CPB2: variants seen among roughly 807,000 people sequenced by gnomAD.
CPB2 encodes the protein carboxypeptidase B2, also known as carboxypeptidase B-like protein.
Under a neutral mutation model 57.0 loss-of-function variants are expected in CPB2, and 54 were observed. That is an observed-to-expected ratio of 0.95 (90% CI 0.76 to 1.19). The LOEUF (loss-of-function observed/expected upper bound fraction) is 1.19, where lower values mean the gene tolerates loss of function less well. CPB2 is among the 50% of genes most tolerant of loss of function. The pLI, the probability that CPB2 is intolerant of heterozygous loss-of-function variation, is 0.00. For missense variants in CPB2, 426 were observed against 512.0 expected, an observed-to-expected ratio of 0.83 and a Z score of 1.62; for synonymous variants, 189 against 178.1, an observed-to-expected ratio of 1.06 and a Z score of -0.49.
intron 1 of CPB2, chr13:46,101,284 T>A (rs1477153164): frequency 6.6e-6 from 1 of 152,244 alleles, no homozygotes; most frequent in African/African-American, 2.4e-5. Context: ...TCTGAACTTC[T>A]TTCGTTTTTG....
chr13:46,054,809 T>G (rs935814527), intron 10 of CPB2, among the ~76,000 whole-genome samples: 36 of 135,542 alleles, frequency 2.7e-4, no homozygotes, highest in African/African-American at 1.0e-3. Flanking sequence ...AGAGTGCAGT[T>G]GCACAATCTC....
chr13:46,078,990 G>C, intron 4 of CPB2, 89 bp from the exon 5 acceptor site: 1 of 794,636 alleles, frequency 1.3e-6, no homozygotes, highest in East Asian at 2.6e-5. Context: ...TTCAGAGAAA[G>C]GAAAACCTCT....
chr13:46,056,579 T>A (rs950051183), intron 9 of CPB2, among the ~76,000 whole-genome samples: 1 of 152,212 alleles, frequency 6.6e-6, no homozygotes, highest in South Asian at 2.1e-4. Context: ...AAAAATAAGT[T>A]TTAATGTAAC....
At position 46,053,901 on chromosome 13, in the gene CPB2, A is replaced by AT. The variant is rs1227742253; in HGVS notation, c.1088-104dup. The AT allele has an allele frequency of 1.0e-5, 12 of 1,174,264 alleles. No individual in the cohort carries two copies. In the East Asian group the frequency reaches 1.3e-4, roughly 12 times the overall value. 72.7% of individuals were successfully genotyped at this position (1,174,264 alleles called of 1,614,324 possible). The stretch of plus-strand genomic sequence containing the variant: ...TGTTTATTTGTTTGTATACCTTTAG[A>AT]TTTTTTTCAGTTTTTAACTAATATA... On this transcript the variant is annotated intron_variant, in intron 10 of 10. Transcript: ENST00000181383.
chr13:46,085,288 A>G (rs971979242), intron 2 of CPB2, among the ~76,000 whole-genome samples: 1 of 152,222 alleles, frequency 6.6e-6, no homozygotes, highest in African/African-American at 2.4e-5. Context: ...CCTAGAAATG[A>G]CAGAACAAGA....
At chr13:46,065,724 T>C (rs931116149) in intron 7 of CPB2, among the ~76,000 whole-genome samples, 1 of 147,670 alleles carries the variant, frequency 6.8e-6, no homozygotes, top group East Asian at 2.1e-4. Context: ...TCACCAACCC[T>C]CCGCCAAGCC....
In CPB2 at chr13:46,103,754, T is replaced by G. The variant is rs1265333111; in HGVS notation, c.74+1182A>C. The stretch of plus-strand genomic sequence containing the variant: ...GCCAAGTTGGACATGTTGATACCAA[T>G]TTTTCTCTTCTCCCCCTTTCCCTTA... On this transcript the variant is annotated intron_variant, in intron 1 of 10. Coordinates refer to ENST00000181383, the MANE Select transcript of CPB2 (RefSeq NM_001872.5). 2.0e-5 allele frequency among the ~76,000 whole-genome samples: 3 copies of G among 152,244 alleles called. No individual in the cohort carries two copies. In the East Asian group the frequency reaches 5.8e-4, roughly 29 times the overall value.
chr13:46,104,384 T>C (rs2045469833), intron 1 of CPB2, among the ~76,000 whole-genome samples: 1 of 152,250 alleles, frequency 6.6e-6, no homozygotes, highest in Non-Finnish European at 1.5e-5. Flanking sequence ...AATTCATTTG[T>C]GTTCTTCTAG....
At chr13:46,093,020 C>T (rs749957824) in intron 1 of CPB2, among the ~76,000 whole-genome samples, 6 of 152,182 alleles carry the variant, frequency 3.9e-5, no homozygotes, top group Non-Finnish European at 7.3e-5. Flanking sequence ...TCAAGCGATT[C>T]TCCTGCCTTA....
chr13:46,070,819 C>G (rs2044929992), intron 6 of CPB2, among the ~76,000 whole-genome samples: 1 of 152,158 alleles, frequency 6.6e-6, no homozygotes, highest in African/African-American at 2.4e-5. Context: ...TTTATCCCAA[C>G]AGTAGGTACT....
At chr13:46,069,001 AG>A (rs1365182679) in intron 6 of CPB2, among the ~76,000 whole-genome samples, 11 of 152,228 alleles carry the variant, frequency 7.2e-5, no homozygotes, top group Admixed American at 6.5e-4. Flanking sequence ...CAAATAATAA[AG>A]CATTTCTCAT....
intron 1 of CPB2, among the ~76,000 whole-genome samples, chr13:46,092,297 G>A (rs17844011): frequency 9.5e-4 from 145 of 152,106 alleles, no homozygotes; most frequent in Non-Finnish European, 1.7e-3. Flanking sequence ...ATTAGATCTC[G>A]GAACAGAAAA....
intron 2 of CPB2, among the ~76,000 whole-genome samples, chr13:46,087,240 C>T (rs1453299331): frequency 1.3e-5 from 2 of 152,342 alleles, no homozygotes; most frequent in Non-Finnish European, 1.5e-5. Flanking sequence ...CTCCTCCTGG[C>T]TTCTGCTGGC....
chr13:46,092,431 G>A (rs929199283), intron 1 of CPB2, among the ~76,000 whole-genome samples: 2 of 151,992 alleles, frequency 1.3e-5, no homozygotes, highest in Non-Finnish European at 2.9e-5. Flanking sequence ...TTAACATTAG[G>A]GTATATTGGG....
chr13:46,082,623 C>G, intron 3 of CPB2, 74 bp from the exon 4 acceptor site: 2 of 865,432 alleles, frequency 2.3e-6, no homozygotes, highest in African/African-American at 3.4e-5. Flanking sequence ...ATTGCAGGCA[C>G]AGCAGGTGAG....
intron 1 of CPB2, among the ~76,000 whole-genome samples, chr13:46,095,680 C>T (rs2045355127): frequency 6.6e-6 from 1 of 152,144 alleles, no homozygotes; most frequent in African/African-American, 2.4e-5. Context: ...AATTAACTTT[C>T]TCACTCTCCA....
At chr13:46,075,989 T>C (rs1483726720) in intron 5 of CPB2, among the ~76,000 whole-genome samples, 5 of 152,144 alleles carry the variant, frequency 3.3e-5, no homozygotes, top group Non-Finnish European at 5.9e-5. Flanking sequence ...ATTTTGCAAC[T>C]GAAAATAAAT....
At chr13:46,060,961 T>G (rs1186503571) in intron 8 of CPB2, among the ~76,000 whole-genome samples, 1 of 152,098 alleles carries the variant, frequency 6.6e-6, no homozygotes, top group Admixed American at 6.5e-5. Context: ...CCAAGCACAC[T>G]GTGAAATATC....
intron 2 of CPB2, among the ~76,000 whole-genome samples, chr13:46,086,422 G>A (rs1454733688): frequency 2.6e-5 from 4 of 152,292 alleles, no homozygotes; most frequent in African/African-American, 7.2e-5. Flanking sequence ...TCTGCAGCCA[G>A]GGTGTCCTGA....
Sources: allele counts gnomAD v4.1 joint callset (sites outside exome capture counted in the v4.1 genomes callset), GRCh38; gene constraint gnomAD v4.1.1; transcripts MANE v1.5; gene names NCBI Gene and HGNC (gene_info 2026-07-23, HGNC 2026-07-21).